Variants in TMEM132D observed in about 807,000 individuals in gnomAD.
The protein encoded by TMEM132D is mature OL transmembrane protein.
TMEM132D carries 21 observed loss-of-function variants against 62.3 expected under a neutral mutation model. The observed-to-expected ratio is 0.34, with a 90% CI of 0.24 to 0.49. The LOEUF (loss-of-function observed/expected upper bound fraction) is 0.49, where lower values mean the gene tolerates loss of function less well. TMEM132D is among the 20% of genes least tolerant of loss of function. The probability of loss-of-function intolerance (pLI) is 0.99; values close to 1 mark genes in which losing one functional copy is unlikely to be tolerated. For synonymous variants in TMEM132D, 621 were observed against 575.6 expected (o/e 1.08, Z -1.13); for missense variants, 1,346 against 1,402.8 (o/e 0.96, Z 0.65).
chr12:129,235,330 A>G (rs1879750350), intron 4 of TMEM132D, among the ~76,000 whole-genome samples: 1 of 152,176 alleles, frequency 6.6e-6, no homozygotes, highest in African/African-American at 2.4e-5. Flanking sequence ...CAGATTTAGA[A>G]TATTCCATCA....
chr12:129,538,571 T>C (rs1046101555), intron 2 of TMEM132D, among the ~76,000 whole-genome samples: 14 of 152,176 alleles, frequency 9.2e-5, no homozygotes, highest in Non-Finnish European at 1.9e-4. Context: ...TTTCTACACA[T>C]ACCTATGATA....
At position 129,513,381 on chromosome 12, in the gene TMEM132D, C is replaced by T. The variant is rs577104862; in HGVS notation, c.1115+17678G>A. The stretch of plus-strand genomic sequence containing the variant: ...CTGCCCCCATAACCCAAACATCACC[C>T]GCTAGACTCCATCTCCCAACACTGC... On this transcript the variant is annotated intron_variant, in intron 3 of 8. Coordinates refer to ENST00000422113, the MANE Select transcript of TMEM132D (RefSeq NM_133448.3). Among the ~76,000 whole-genome samples the T allele has an allele frequency of 6.6e-5, 10 of 152,220 alleles. 1 individual carries two copies. In the South Asian group the frequency reaches 1.9e-3, roughly 28 times the overall value.
At chr12:129,324,220 T>G (rs1196207702) in intron 4 of TMEM132D, among the ~76,000 whole-genome samples, 2 of 152,178 alleles carry the variant, frequency 1.3e-5, no homozygotes, top group African/African-American at 4.8e-5. Context: ...ATCTGGTGAT[T>G]GTTACCAGTT....
At chr12:129,710,552 T>C (rs1881616332) in intron 1 of TMEM132D, among the ~76,000 whole-genome samples, 1 of 152,130 alleles carries the variant, frequency 6.6e-6, no homozygotes, top group Non-Finnish European at 1.5e-5. Flanking sequence ...CCACCTCGGC[T>C]TCCTAAGCTG....
chr12:129,166,026 G>A (rs1216840273), intron 5 of TMEM132D, among the ~76,000 whole-genome samples: 2 of 152,086 alleles, frequency 1.3e-5, no homozygotes, highest in Non-Finnish European at 2.9e-5. Context: ...TATTATTATC[G>A]CTGTTTTGTG....
intron 2 of TMEM132D, among the ~76,000 whole-genome samples, chr12:129,613,016 T>C (rs995426424): frequency 2.6e-5 from 4 of 152,212 alleles, no homozygotes; most frequent in Admixed American, 2.6e-4. Context: ...TCATTTCCTC[T>C]TGCAAACACA....
At chr12:129,882,900 A>G (rs1231156713) in intron 1 of TMEM132D, among the ~76,000 whole-genome samples, 1 of 152,224 alleles carries the variant, frequency 6.6e-6, no homozygotes, top group East Asian at 1.9e-4. Flanking sequence ...AGCATCTAAA[A>G]GAAACCTACA....
At chr12:129,461,723 AGGTGGGTG>A (rs560830627) in intron 3 of TMEM132D, among the ~76,000 whole-genome samples, 1 of 2,312 alleles carries the variant, frequency 4.3e-4, no homozygotes, top group Non-Finnish European at 8.0e-4. Flanking sequence ...GTAGGTAGAG[AGGTGGGTG>A]GGTGGGTGGG....
chr12:129,724,433 G>A (rs531981846), intron 1 of TMEM132D, among the ~76,000 whole-genome samples: 1 of 152,328 alleles, frequency 6.6e-6, no homozygotes, highest in East Asian at 1.9e-4. Flanking sequence ...TTTGACACCT[G>A]TACTTTATCC....
At chr12:129,605,622 TACAC>T (rs55684861) in intron 2 of TMEM132D, among the ~76,000 whole-genome samples, 3,596 of 126,284 alleles carry the variant, frequency 0.028, 95 homozygotes, top group Admixed American at 0.079. Flanking sequence ...CATATATATA[TACAC>T]ACACACACAC....
chr12:129,817,121 A>G (rs1307897853), intron 1 of TMEM132D, among the ~76,000 whole-genome samples: 1 of 152,240 alleles, frequency 6.6e-6, no homozygotes, highest in African/African-American at 2.4e-5. Flanking sequence ...AATCGGAGCA[A>G]TGATAAGTTA....
chr12:129,195,285 A>T (rs7315614), intron 5 of TMEM132D, among the ~76,000 whole-genome samples: 1 of 151,626 alleles, frequency 6.6e-6, no homozygotes, highest in Non-Finnish European at 1.5e-5. Context: ...GTCATCAAGA[A>T]GCCCAGTGTG....
intron 5 of TMEM132D, among the ~76,000 whole-genome samples, chr12:129,140,085 A>C (rs557824102): frequency 6.6e-6 from 1 of 152,108 alleles, no homozygotes; most frequent in Non-Finnish European, 1.5e-5. Flanking sequence ...TATTGTTCAC[A>C]TATGGTAAAA....
chr12:129,399,890 T>TG (rs1871566858), intron 3 of TMEM132D, among the ~76,000 whole-genome samples: 2 of 150,094 alleles, frequency 1.3e-5, no homozygotes, highest in African/African-American at 5.1e-5. Context: ...CGTGTGTGTG[T>TG]GTGTGGGGGG....
intron 2 of TMEM132D, among the ~76,000 whole-genome samples, chr12:129,540,067 AT>A (rs33998374): frequency 0.87 from 131,531 of 151,326 alleles, 57,243 homozygotes; most frequent in East Asian, 0.99. Flanking sequence ...GTGGGCTTTT[AT>A]TTTTTTTTTT....
intron 2 of TMEM132D, among the ~76,000 whole-genome samples, chr12:129,590,843 C>T (rs1291398640): frequency 6.6e-6 from 1 of 152,118 alleles, no homozygotes; most frequent in Non-Finnish European, 1.5e-5. Context: ...GAGACCTCAC[C>T]CCCTTGTCAT....
chr12:129,697,217 G>A (rs563355659), intron 2 of TMEM132D, among the ~76,000 whole-genome samples: 4 of 152,294 alleles, frequency 2.6e-5, no homozygotes, highest in Admixed American at 6.5e-5. Flanking sequence ...GGAGAAAAGC[G>A]CCCAAGGATA....
chr12:129,794,221 T>G (rs1871490531), intron 1 of TMEM132D, among the ~76,000 whole-genome samples: 1 of 150,954 alleles, frequency 6.6e-6, no homozygotes, highest in Admixed American at 6.6e-5. Context: ...CTGGAGTAGC[T>G]GAGATCACAG....
At chr12:129,191,456 CTA>C (rs1878399545) in intron 5 of TMEM132D, among the ~76,000 whole-genome samples, 1 of 145,778 alleles carries the variant, frequency 6.9e-6, no homozygotes, top group Non-Finnish European at 1.5e-5. Flanking sequence ...ATGGAGGAAA[CTA>C]TATATATGAA....
Sources: allele counts gnomAD v4.1 joint callset (sites outside exome capture counted in the v4.1 genomes callset), GRCh38; gene constraint gnomAD v4.1.1; transcripts MANE v1.5; gene names NCBI Gene and HGNC (gene_info 2026-07-23, HGNC 2026-07-21).